SH3BP5: variants seen among roughly 807,000 people sequenced by gnomAD.
The protein encoded by SH3BP5 is SH3 domain binding protein 5, also known as SH3 domain-binding protein 5.
SH3BP5 carries 22 observed loss-of-function variants against 43.3 expected under a neutral mutation model. That is an observed-to-expected ratio of 0.51 (90% CI 0.36 to 0.73). The LOEUF is 0.73. SH3BP5 is among the 30% of genes least tolerant of loss of function. SH3BP5 has a pLI of 0.00. For missense variants in SH3BP5, 529 were observed against 586.9 expected, an observed-to-expected ratio of 0.90 and a Z score of 1.02; for synonymous variants, 255 against 225.8, an observed-to-expected ratio of 1.13 and a Z score of -1.16.
rs574232036 is a variant in SH3BP5, at chr3:15,273,173, G to A, written c.331-3296C>T. On this transcript the variant is annotated intron_variant, in intron 3 of 8. Coordinates refer to ENST00000383791, the MANE Select transcript of SH3BP5 (RefSeq NM_004844.5). ...ATGAATCCCACAGGATCCTAAAATG[G>A]GATTTGTATTTGCCTTTTTAGGAAT... 7 of 985,334 alleles carry A rather than the reference G, an allele frequency of 7.1e-6. No individual in the cohort carries two copies. The South Asian group carries it at 2.8e-4, about 40-fold the overall frequency. The allele number at this position is 985,334 out of a possible 1,614,324, so 61.0% of individuals were successfully genotyped here.
Position 15,304,082 on chromosome 3 carries a change from A to T in SH3BP5, c.330+21T>A, listed in dbSNP as rs748676266. 5 of 1,605,450 alleles carry T rather than the reference A, an allele frequency of 3.1e-6. No individual in the cohort carries two copies. In the South Asian group the frequency reaches 5.5e-5, roughly 18 times the overall value. On this transcript the variant is annotated intron_variant, in intron 3 of 8. Coordinates refer to ENST00000383791, the MANE Select transcript of SH3BP5 (RefSeq NM_004844.5). ...GGTAGTGAGGCTCGAGGTAGGGGAG[A>T]CATCTATGGGGCTATCTTACCTGCC...
chr3:15,291,599 G>T (rs2729687), intron 3 of SH3BP5, among the ~76,000 whole-genome samples: 116,403 of 152,092 alleles, frequency 0.77, 45,330 homozygotes, highest in African/African-American at 0.85. Flanking sequence ...CATCCCACTG[G>T]GTAGAAATGA....
upstream of SH3BP5, among the ~76,000 whole-genome samples, chr3:15,333,652 G>T (rs1575361493): frequency 2.0e-5 from 3 of 152,226 alleles, no homozygotes; most frequent in Admixed American, 2.0e-4. Context: ...TGAATAAATA[G>T]TCCTGCTCCT....
intron 3 of SH3BP5, among the ~76,000 whole-genome samples, chr3:15,270,531 C>A (rs952213020): frequency 1.3e-5 from 2 of 152,202 alleles, no homozygotes; most frequent in South Asian, 2.1e-4. Flanking sequence ...TAACACAACA[C>A]GGTCCCTGCT....
Position 15,258,992 on chromosome 3 carries a change from T to C in SH3BP5, c.728A>G (p.Tyr243Cys). ...CTCCAGGTTCTTCAGGGCCATCTTG[T>C]ACTCGCCTTTTGCCAGGGTCAGTTT... ...QAKLTLAKGE[Y>C]KMALKNLEMI... Residue 243 changes from tyrosine (Y) to cysteine (C), a missense_variant, in exon 7 of 9, where the codon TAC becomes TGC. By Grantham distance (194) the Tyr-to-Cys change is radical. This residue lies in a region of SH3BP5 where 369 missense variants were observed against 384.3 expected (regional missense o/e 0.96). Transcript: ENST00000383791. The C allele has an allele frequency of 6.2e-7, 1 of 1,614,256 alleles. No homozygotes were observed. Among genetic ancestry groups the C allele is most frequent in the Non-Finnish European group, 8.5e-7 (1 of 1,180,044 alleles).
At chr3:15,281,610 T>A (rs973285915) in intron 3 of SH3BP5, among the ~76,000 whole-genome samples, 2 of 152,078 alleles carry the variant, frequency 1.3e-5, no homozygotes, top group African/African-American at 4.8e-5. Context: ...CACCCACTCC[T>A]CCAGTAACTG....
intron 2 of SH3BP5, among the ~76,000 whole-genome samples, chr3:15,313,647 G>A (rs749006256): frequency 3.9e-5 from 6 of 152,296 alleles, no homozygotes; most frequent in African/African-American, 9.6e-5. Flanking sequence ...TTTAAATAGC[G>A]CTTGGGTGAA....
intron 6 of SH3BP5, chr3:15,259,290 A>G (rs185656367): frequency 2.4e-4 from 143 of 585,280 alleles, no homozygotes; most frequent in African/African-American, 2.3e-3. Flanking sequence ...TCACTGGTGG[A>G]ACAAACCCCA....
chr3:15,322,501 T>C (rs546452381), intron 2 of SH3BP5, among the ~76,000 whole-genome samples: 192 of 152,226 alleles, frequency 1.3e-3, no homozygotes, highest in African/African-American at 4.4e-3. Flanking sequence ...CAAGGTTGTG[T>C]TTTACCAGTG....
chr3:15,321,721 C>T (rs1450497525), intron 2 of SH3BP5, among the ~76,000 whole-genome samples: 1 of 151,854 alleles, frequency 6.6e-6, no homozygotes, highest in Non-Finnish European at 1.5e-5. Context: ...TGGATCTTCT[C>T]CCATCCAATC....
intron 2 of SH3BP5, among the ~76,000 whole-genome samples, chr3:15,311,517 G>A (rs980946007): frequency 2.0e-5 from 3 of 151,896 alleles, no homozygotes; most frequent in African/African-American, 4.8e-5. Context: ...CTGAGATCAC[G>A]CCACTGCACT....
At chr3:15,294,334 C>CGCGT (rs1265274822) in intron 3 of SH3BP5, among the ~76,000 whole-genome samples, 1 of 138,760 alleles carries the variant, frequency 7.2e-6, no homozygotes, top group African/African-American at 3.0e-5. Context: ...TGTGTGTGCG[C>CGCGT]GCGCATGTTT....
At chr3:15,281,691 C>T (rs991700069) in intron 3 of SH3BP5, among the ~76,000 whole-genome samples, 25 of 152,188 alleles carry the variant, frequency 1.6e-4, no homozygotes, top group African/African-American at 5.8e-4. Flanking sequence ...AATCTTAACA[C>T]ACCATAATGG....
intron 6 of SH3BP5, chr3:15,259,278 TCTCA>T (rs1244930147): frequency 3.4e-6 from 2 of 590,734 alleles, no homozygotes; most frequent in Non-Finnish European, 6.0e-6. Context: ...ATCCAAAAAC[TCTCA>T]CTGGTGGAAC....
intron 3 of SH3BP5, among the ~76,000 whole-genome samples, chr3:15,298,353 C>T (rs1697634969): frequency 6.6e-6 from 1 of 152,218 alleles, no homozygotes; most frequent in Admixed American, 6.5e-5. Flanking sequence ...GGTGAGCCTA[C>T]AAGTCACTCT....
At position 15,254,628 on chromosome 3, in the gene SH3BP5, T is replaced by TTATC. The variant is rs1207920529; in HGVS notation, c.*1454_*1457dup. ...CTCCTCCAGCGTCACCACCTCGTCT[T>TTATC]TATCTGCCACTGTGTCTCCTCATTG... On this transcript the variant is annotated 3_prime_UTR_variant, in exon 9 of 9. Coordinates refer to ENST00000383791, the MANE Select transcript of SH3BP5 (RefSeq NM_004844.5). 1 of 152,242 alleles carries TTATC rather than the reference T, an allele frequency of 6.6e-6. No individual in the cohort carries two copies. Among genetic ancestry groups the TTATC allele is most frequent in the African/African-American group, 2.4e-5 (1 of 41,450 alleles). The allele number at this position is 152,242 out of a possible 1,614,324, so 9.4% of individuals were successfully genotyped here. A position where few individuals can be genotyped will look rare whatever the true frequency, so the allele number is the denominator to read the frequency against.
rs1318765546 is a variant in SH3BP5, at chr3:15,265,512, T to TCTCACTCACACACACACACACACACACA, written c.496-3224_496-3223insTGTGTGTGTGTGTGTGTGTGTGAGTGAG. Among the ~76,000 whole-genome samples, 31 of 107,986 alleles carry TCTCACTCACACACACACACACACACACA rather than the reference T, an allele frequency of 2.9e-4. 2 individuals are homozygous for TCTCACTCACACACACACACACACACACA. The highest frequency in any genetic ancestry group is 1.2e-3 in the African/African-American group (29 of 24,116). 70.8% of individuals were successfully genotyped at this position (107,986 alleles called of 152,430 possible). ...GCCTGAGCTACAGGGCGAGACTCCG[T>TCTCACTCACACACACACACACACACACA]CACACACACACACACACACACACAC... On this transcript the variant is annotated intron_variant, in intron 4 of 8. Transcript: ENST00000383791.
intron 5 of SH3BP5, among the ~76,000 whole-genome samples, chr3:15,261,159 C>A (rs551757220): frequency 1.8e-4 from 28 of 152,338 alleles, no homozygotes; most frequent in African/African-American, 6.5e-4. Flanking sequence ...CTACTTAGCT[C>A]TCAGGAGATC....
Position 15,254,360 on chromosome 3 carries a change from C to G in SH3BP5, c.*1726G>C, listed in dbSNP as rs1164622705. 1 of 152,194 alleles carries G rather than the reference C, an allele frequency of 6.6e-6. No homozygotes were observed. Among genetic ancestry groups the G allele is most frequent in the Non-Finnish European group, 1.5e-5 (1 of 68,040 alleles). 9.4% of individuals were successfully genotyped at this position (152,194 alleles called of 1,614,324 possible). ...GATTGGCCAACCAAGAACTTTTTCT[C>G]CACAGCATGCTTTAATAATGAAATG... On this transcript the variant is annotated 3_prime_UTR_variant, in exon 9 of 9. Coordinates refer to ENST00000383791, the MANE Select transcript of SH3BP5 (RefSeq NM_004844.5).
Sources: allele counts gnomAD v4.1 joint callset (sites outside exome capture counted in the v4.1 genomes callset), GRCh38; gene constraint gnomAD v4.1.1; regional missense constraint gnomAD v4.1.1; transcripts MANE v1.5; gene names NCBI Gene and HGNC (gene_info 2026-07-23, HGNC 2026-07-21).